The following ADGRL3 variants were observed in gnomAD, a reference collection of about 807,000 sequenced individuals.
The protein encoded by ADGRL3 is adhesion G protein-coupled receptor L3, also known as calcium-independent alpha-latrotoxin receptor 3.
In ADGRL3, 62 loss-of-function variants were observed where a neutral mutation model predicts 153.5. That is an observed-to-expected ratio of 0.40 (90% CI 0.33 to 0.50). The LOEUF (loss-of-function observed/expected upper bound fraction) is 0.50. Among genes scored for constraint, ADGRL3 ranks in the 20% least tolerant of loss-of-function variants. The pLI is 0.47. For synonymous variants in ADGRL3, 710 were observed against 672.5 expected, an observed-to-expected ratio of 1.06 and a Z score of -0.86; for missense variants, 1,641 against 1,859.4, an observed-to-expected ratio of 0.88 and a Z score of 2.16.
chr4:61,902,298 G>A (rs995408348), intron 11 of ADGRL3, among the ~76,000 whole-genome samples: 1 of 151,866 alleles, frequency 6.6e-6, no homozygotes, highest in Non-Finnish European at 1.5e-5. Context: ...TTCCCCTCCC[G>A]CACCCAGTCA....
At chr4:61,688,301 C>A (rs2095481599) in intron 6 of ADGRL3, among the ~76,000 whole-genome samples, 3 of 151,982 alleles carry the variant, frequency 2.0e-5, no homozygotes, top group Admixed American at 2.0e-4. Context: ...CACATTTTCC[C>A]TGTCTTTGCC....
At chr4:61,476,163 A>G (rs760532101) in intron 2 of ADGRL3, among the ~76,000 whole-genome samples, 1 of 152,304 alleles carries the variant, frequency 6.6e-6, no homozygotes, top group African/African-American at 2.4e-5. Context: ...GTTTCTTACC[A>G]TAATTAATTA....
At chr4:61,288,628 A>G (rs2094041131) in intron 1 of ADGRL3, among the ~76,000 whole-genome samples, 1 of 152,042 alleles carries the variant, frequency 6.6e-6, no homozygotes, top group Non-Finnish European at 1.5e-5. Flanking sequence ...TGGTAAATGC[A>G]TATCTGAATT....
intron 9 of ADGRL3, among the ~76,000 whole-genome samples, chr4:61,869,364 C>T (rs917605653): frequency 1.3e-5 from 2 of 150,824 alleles, no homozygotes; most frequent in Non-Finnish European, 3.0e-5. Flanking sequence ...TTTGGGAGGC[C>T]GAGGCGGGTG....
At chr4:61,390,585 C>G (rs1011402273) in intron 2 of ADGRL3, among the ~76,000 whole-genome samples, 1 of 152,160 alleles carries the variant, frequency 6.6e-6, no homozygotes, top group Non-Finnish European at 1.5e-5. Flanking sequence ...TGAGAACATA[C>G]ATTTAAAATT....
At chr4:61,210,303 C>G (rs1390947320) in intron 1 of ADGRL3, among the ~76,000 whole-genome samples, 3 of 151,996 alleles carry the variant, frequency 2.0e-5, no homozygotes, top group Non-Finnish European at 2.9e-5. Flanking sequence ...AACGACACTC[C>G]CTCCTGTTTG....
At chr4:61,389,704 G>A (rs1456124994) in intron 2 of ADGRL3, among the ~76,000 whole-genome samples, 1 of 152,082 alleles carries the variant, frequency 6.6e-6, no homozygotes, top group Non-Finnish European at 1.5e-5. Flanking sequence ...CTATGGGCAG[G>A]GTAAAAGCAC....
chr4:61,856,182 A>G (rs748263874), intron 9 of ADGRL3, among the ~76,000 whole-genome samples: 17 of 152,176 alleles, frequency 1.1e-4, no homozygotes, highest in Non-Finnish European at 2.9e-5. Flanking sequence ...AGCCTGGGCA[A>G]CATAGCCAGA....
At chr4:61,615,577 TG>T (rs1040471606) in intron 5 of ADGRL3, among the ~76,000 whole-genome samples, 53 of 946 alleles carry the variant, frequency 0.056, 1 homozygote, top group East Asian at 0.52. Flanking sequence ...GTTGGAATAT[TG>T]TGTGTGTGTG....
chr4:61,531,228 T>G (rs915059285), intron 4 of ADGRL3, among the ~76,000 whole-genome samples: 10 of 152,144 alleles, frequency 6.6e-5, no homozygotes, highest in African/African-American at 2.4e-4. Flanking sequence ...ACCTGAATCT[T>G]GGTAAAAATA....
chr4:61,457,794 AT>A (rs1212252875), intron 2 of ADGRL3, among the ~76,000 whole-genome samples: 1 of 151,658 alleles, frequency 6.6e-6, no homozygotes, highest in Non-Finnish European at 1.5e-5. Context: ...GTACAATTGA[AT>A]TTTTTTGATC....
chr4:61,415,342 T>C lies in ADGRL3; in HGVS notation c.-174+32153T>C, dbSNP rs151120733. Among the ~76,000 whole-genome samples, 107 of 152,154 alleles carry C rather than the reference T, an allele frequency of 7.0e-4. 2 individuals are homozygous for C. The East Asian group carries it at 7.9e-3, about 11-fold the overall frequency. The stretch of plus-strand genomic sequence containing the variant: ...ACTTGCCTTATTTCCTTGAAGTCTG[T>C]TTATTTTAGGAGGATTTGTTTTCAC... On this transcript the variant is annotated intron_variant, in intron 2 of 26. Coordinates refer to ENST00000683033, the MANE Select transcript of ADGRL3 (RefSeq NM_001387552.1).
At chr4:62,037,914 C>A in intron 24 of ADGRL3, 58 bp downstream of exon 24, 1 of 1,591,928 alleles carries the variant, frequency 6.3e-7, no homozygotes, top group Non-Finnish European at 8.6e-7. Context: ...GTTACTGTCC[C>A]TTATGATTGG....
chr4:61,709,263 T>G (rs970831380), intron 6 of ADGRL3, among the ~76,000 whole-genome samples: 27 of 152,232 alleles, frequency 1.8e-4, no homozygotes, highest in Non-Finnish European at 1.8e-4. Flanking sequence ...GTCTAATTTA[T>G]GCATAATTTG....
chr4:61,701,426 T>C (rs917122669), intron 6 of ADGRL3, among the ~76,000 whole-genome samples: 1 of 133,664 alleles, frequency 7.5e-6, no homozygotes, highest in Non-Finnish European at 1.5e-5. Flanking sequence ...ACATTAAAGG[T>C]ACAATTTTTT....
chr4:61,273,593 A>C (rs543702041), intron 1 of ADGRL3, among the ~76,000 whole-genome samples: 6 of 152,252 alleles, frequency 3.9e-5, no homozygotes, highest in Admixed American at 3.9e-4. Flanking sequence ...AAGTAGCATT[A>C]GAAAATGTGC....
intron 6 of ADGRL3, among the ~76,000 whole-genome samples, chr4:61,708,720 G>A (rs549708448): frequency 3.9e-5 from 6 of 151,906 alleles, no homozygotes; most frequent in Non-Finnish European, 5.9e-5. Flanking sequence ...CTATTTATAC[G>A]GGTTTTTTCA....
In ADGRL3 at chr4:61,359,877, T is replaced by A. The variant is rs113659747; in HGVS notation, c.-239-23247T>A. Reference sequence around the variant, plus strand: ...AAATATTCATTGAATGCATGAATTTTAAATCACATAGTACATATTCAGCTC... The same window carrying A: ...AAATATTCATTGAATGCATGAATTTAAAATCACATAGTACATATTCAGCTC... On this transcript the variant is annotated intron_variant, in intron 1 of 26. Transcript: ENST00000683033. 5.6e-4 allele frequency among the ~76,000 whole-genome samples: 85 copies of A among 152,340 alleles called. 2 individuals carry two copies. The highest frequency in any genetic ancestry group is 2.0e-3 in the African/African-American group (85 of 41,590).
chr4:61,389,514 C>T (rs1341037634), intron 2 of ADGRL3, among the ~76,000 whole-genome samples: 2 of 152,168 alleles, frequency 1.3e-5, no homozygotes. Flanking sequence ...TGTTAATTTT[C>T]ATCTCTAGGT....
Sources: gnomAD v4.1 joint callset for allele counts (sites outside exome capture counted in the v4.1 genomes callset) on GRCh38, gnomAD v4.1.1 for gene constraint, MANE v1.5 for transcripts, NCBI Gene and HGNC (gene_info 2026-07-23, HGNC 2026-07-21) for gene names.